The following DIAPH1 variants were observed in gnomAD, a reference collection of about 807,000 sequenced individuals.
DIAPH1 encodes the protein protein diaphanous homolog 1.
In DIAPH1, 46 loss-of-function variants were observed where a neutral mutation model predicts 140.7. That is an observed-to-expected ratio of 0.33 (90% CI 0.26 to 0.42). The LOEUF (loss-of-function observed/expected upper bound fraction) is 0.42. Among genes scored for constraint, DIAPH1 ranks in the 10% least tolerant of loss-of-function variants. The pLI, the probability that DIAPH1 is intolerant of heterozygous loss-of-function variation, is 1.00. For synonymous variants in DIAPH1, 565 were observed against 551.6 expected (o/e 1.02, Z -0.34); for missense variants, 1,310 against 1,558.7 (o/e 0.84, Z 2.69).
intron 16 of DIAPH1, among the ~76,000 whole-genome samples, chr5:141,572,722 T>G (rs896619688): frequency 1.3e-5 from 2 of 150,222 alleles, no homozygotes; most frequent in African/African-American, 2.5e-5. Flanking sequence ...GAGCAGAGAT[T>G]ATGCCACTGC....
At chr5:141,556,230 A>ATTTTTTC (rs2099892557) in intron 18 of DIAPH1, among the ~76,000 whole-genome samples, 1 of 151,882 alleles carries the variant, frequency 6.6e-6, no homozygotes, top group Admixed American at 6.6e-5. Context: ...ACAGTATTAT[A>ATTTTTTC]TTTTTTCTTT....
intron 1 of DIAPH1, among the ~76,000 whole-genome samples, chr5:141,604,416 T>G (rs148830583): frequency 1.3e-5 from 2 of 152,332 alleles, no homozygotes; most frequent in African/African-American, 4.8e-5. Context: ...AAGACTATGA[T>G]CACTCCTTTA....
intron 3 of DIAPH1, among the ~76,000 whole-genome samples, chr5:141,586,581 A>T (rs1009628519): frequency 4.6e-5 from 7 of 152,248 alleles, no homozygotes; most frequent in Non-Finnish European, 1.0e-4. Flanking sequence ...CAATCTTTAA[A>T]GGTCTTCTAG....
intron 1 of DIAPH1, among the ~76,000 whole-genome samples, chr5:141,603,335 T>C (rs2099900454): frequency 6.6e-6 from 1 of 152,246 alleles, no homozygotes; most frequent in Non-Finnish European, 1.5e-5. Flanking sequence ...ATAAACAATT[T>C]GTATGTCAAT....
At chr5:141,528,411 G>A in intron 23 of DIAPH1, 42 bp downstream of exon 23, 1 of 1,613,404 alleles carries the variant, frequency 6.2e-7, no homozygotes, top group South Asian at 1.1e-5. Flanking sequence ...CCCTCCCCAT[G>A]CAGAGACTTT....
rs2154595007 is a variant in DIAPH1 at position 141,528,859 on chromosome 5, T to C, written c.2861A>G (p.Lys954Arg). 6.2e-7 allele frequency: 1 copy of C among 1,614,264 alleles called. No individual in the cohort carries two copies. The highest frequency in any genetic ancestry group is 8.5e-7 in the Non-Finnish European group (1 of 1,180,056). The change falls in exon 22 of 28, where the codon AAG (lysine) becomes AGG (arginine). Residue 954 changes from lysine to arginine, a missense_variant. Physicochemically the swap from Lys to Arg is conservative, Grantham distance 26. Transcript: ENST00000389054. ...AGCAGTGACAGACACAATCTCTGGC[T>C]TGATATTCTCCACTTGCTCGCTGAA... is the stretch of plus-strand genomic sequence containing the variant. ...LQFSEQVENI[K>R]PEIVSVTAAC...
intron 3 of DIAPH1, among the ~76,000 whole-genome samples, chr5:141,584,831 GCA>G (rs1477595522): frequency 1.3e-5 from 2 of 152,162 alleles, no homozygotes; most frequent in Non-Finnish European, 2.9e-5. Context: ...ACCTTGGTGT[GCA>G]CAAATTTAGC....
At chr5:141,562,358 C>T (rs1279482101) in intron 18 of DIAPH1, among the ~76,000 whole-genome samples, 1 of 151,874 alleles carries the variant, frequency 6.6e-6, no homozygotes, top group Non-Finnish European at 1.5e-5. Flanking sequence ...CGAAGACTCT[C>T]CAGGATATAG....
In DIAPH1 at chr5:141,571,128, T is replaced by C. The variant is rs1488495485; in HGVS notation, c.2482+300A>G. Among the ~76,000 whole-genome samples, 4 of 152,258 alleles carry C rather than the reference T, an allele frequency of 2.6e-5. No homozygotes were observed. In the East Asian group the frequency reaches 5.8e-4, roughly 22 times the overall value. On this transcript the variant is annotated intron_variant, in intron 18 of 27. Transcript: ENST00000389054. The stretch of plus-strand genomic sequence containing the variant: ...CATATATGTTAAGGCACTATGAAAA[T>C]TGTAAAACAGCACAAATGTAAGGTA...
rs79558427 is a variant in DIAPH1, at chr5:141,527,699, T to TAAAAAAAAAAA, written c.3149-13_3149-3dup. ...TCTTTTGCAAGTTTTCAGCAGAAAC[T>TAAAAAAAAAAA]AAAAAAAAAAAAAAAAAAAAAAACC... is the stretch of plus-strand genomic sequence containing the variant. On this transcript the variant is annotated splice_polypyrimidine_tract_variant and splice_region_variant and intron_variant, in intron 23 of 27. Coordinates refer to ENST00000389054, the MANE Select transcript of DIAPH1 (RefSeq NM_005219.5). 3.9e-4 allele frequency: 437 copies of TAAAAAAAAAAA among 1,132,292 alleles called. No homozygotes were observed. The highest frequency in any genetic ancestry group is 1.3e-3 in the Admixed American group (32 of 24,008). 70.1% of individuals were successfully genotyped at this position (1,132,292 alleles called of 1,614,324 possible).
At chr5:141,544,241 T>C (rs1252492303) in intron 18 of DIAPH1, among the ~76,000 whole-genome samples, 1 of 151,928 alleles carries the variant, frequency 6.6e-6, no homozygotes, top group Non-Finnish European at 1.5e-5. Flanking sequence ...AACTGGGAAG[T>C]GGAGCTTGCA....
chr5:141,602,043 G>C (rs2099900216), intron 1 of DIAPH1, among the ~76,000 whole-genome samples: 1 of 152,130 alleles, frequency 6.6e-6, no homozygotes, highest in South Asian at 2.1e-4. Flanking sequence ...GAAAGAACAG[G>C]TAAGGTAAGG....
intron 12 of DIAPH1, 21 bp downstream of exon 12, chr5:141,577,454 C>G (rs1191306298): frequency 6.6e-7 from 1 of 1,523,964 alleles, no homozygotes; most frequent in Non-Finnish European, 9.1e-7. Flanking sequence ...TTCAAAACTT[C>G]TCATAAGCAC....
chr5:141,527,014 A>C (rs2099887435), intron 24 of DIAPH1, among the ~76,000 whole-genome samples: 1 of 152,220 alleles, frequency 6.6e-6, no homozygotes, highest in African/African-American at 2.4e-5. Context: ...GTTTTTGTTT[A>C]AAATAAATGT....
At chr5:141,584,622 C>A (rs1053189660) in intron 3 of DIAPH1, among the ~76,000 whole-genome samples, 2 of 152,152 alleles carry the variant, frequency 1.3e-5, no homozygotes, top group African/African-American at 4.8e-5. Flanking sequence ...CAGCAACAAA[C>A]TCTGCACCAA....
intron 18 of DIAPH1, among the ~76,000 whole-genome samples, chr5:141,556,524 G>A (rs867334491): frequency 6.6e-6 from 1 of 152,154 alleles, no homozygotes; most frequent in Non-Finnish European, 1.5e-5. Context: ...CAGGAGAAAA[G>A]TAAGAGTCCA....
intron 26 of DIAPH1, 54 bp from the exon 27 acceptor site, chr5:141,524,283 A>G: frequency 6.6e-7 from 1 of 1,523,216 alleles, no homozygotes; most frequent in South Asian, 1.1e-5. Flanking sequence ...GCAGCATGGC[A>G]AATATCAAGC....
At chr5:141,521,473 A>T (rs1259266554) in intron 27 of DIAPH1, among the ~76,000 whole-genome samples, 3 of 152,156 alleles carry the variant, frequency 2.0e-5, no homozygotes. Flanking sequence ...AGGAGTTTAC[A>T]TGTTGCTTTT....
chr5:141,609,257 G>A (rs1043559640), intron 1 of DIAPH1, among the ~76,000 whole-genome samples: 1 of 150,896 alleles, frequency 6.6e-6, no homozygotes, highest in African/African-American at 2.4e-5. Context: ...AACTCTAGGA[G>A]AATCCAGTTC....
Sources: allele counts gnomAD v4.1 joint callset (sites outside exome capture counted in the v4.1 genomes callset), GRCh38; gene constraint gnomAD v4.1.1; transcripts MANE v1.5; gene names NCBI Gene and HGNC (gene_info 2026-07-23, HGNC 2026-07-21).